The following FREM1 variants were observed in gnomAD, a reference collection of about 807,000 sequenced individuals.
FREM1 encodes the protein FRAS1 related extracellular matrix 1, also known as FRAS1-related extracellular matrix protein 1.
A neutral mutation model predicts 210.1 loss-of-function variants in FREM1; 220 were observed. The observed-to-expected ratio is 1.05, with a 90% CI of 0.94 to 1.17. The LOEUF is 1.17. Among genes scored for constraint, FREM1 ranks in the 50% most tolerant of loss-of-function variants. The pLI, the probability that FREM1 is intolerant of heterozygous loss-of-function variation, is 0.00. For missense variants in FREM1, 3,454 were observed against 2,675.5 expected (o/e 1.29, Z -6.42); for synonymous variants, 1,189 against 980.2 (o/e 1.21, Z -3.98).
At chr9:14,777,391 G>A (rs1273466705) in intron 24 of FREM1, among the ~76,000 whole-genome samples, 1 of 148,904 alleles carries the variant, frequency 6.7e-6, no homozygotes, top group Non-Finnish European at 1.5e-5. Context: ...AAAAAGTTAG[G>A]AAATCGTTAC....
intron 13 of FREM1, among the ~76,000 whole-genome samples, chr9:14,821,799 G>A (rs1327876858): frequency 6.6e-6 from 1 of 152,208 alleles, no homozygotes; most frequent in East Asian, 1.9e-4. Context: ...GGGTGTGCGG[G>A]TTAAATTTTA....
intron 3 of FREM1, among the ~76,000 whole-genome samples, chr9:14,860,718 C>T (rs1829819396): frequency 2.4e-5 from 2 of 82,196 alleles, no homozygotes; most frequent in Non-Finnish European, 4.6e-5. Context: ...CACATATATA[C>T]ACATATATAC....
chr9:14,851,549 T>C lies in FREM1; in HGVS notation c.887A>G (p.Lys296Arg), dbSNP rs2131393154. ...IRAGIPNQIP[K>R]AAFMAVFILE... ...AATAAACACGGCCATGAATGCAGCC[T>C]TTGGAATCTGATTCGGAATTCCAGC... The change falls in exon 6 of 37, where the codon AAG becomes AGG. Residue 296 changes from lysine to arginine, a missense_variant. Transcript: ENST00000380880. 6.2e-7 allele frequency: 1 copy of C among 1,613,978 alleles called. No individual in the cohort carries two copies. Among genetic ancestry groups the C allele is most frequent in the South Asian group, 1.1e-5 (1 of 91,084 alleles).
At chr9:14,878,054 T>C (rs1464918626) in intron 1 of FREM1, among the ~76,000 whole-genome samples, 1 of 152,224 alleles carries the variant, frequency 6.6e-6, no homozygotes, top group Non-Finnish European at 1.5e-5. Context: ...TCCCTACTTC[T>C]ACTCCTGCCT....
Position 14,747,425 on chromosome 9 carries a change from GAT to G in FREM1, c.5846_5847del (p.Tyr1949SerfsTer11). On this transcript the variant is annotated frameshift_variant and splice_region_variant, in exon 33 of 37. Coordinates refer to ENST00000380880, the MANE Select transcript of FREM1 (RefSeq NM_001379081.2). LOFTEE classifies it high-confidence loss of function. ...TCCAGTTTCAAGGAAACTATCCCAT[GAT>G]ACTTGAGGAAACCAACAATCAACAA... ...YRNGTDIIYN[Y>X]HGIVSLKLED... 1 of 1,612,090 alleles carries G rather than the reference GAT, an allele frequency of 6.2e-7. No individual in the cohort carries two copies. Among genetic ancestry groups the G allele is most frequent in the African/African-American group, 1.3e-5 (1 of 74,888 alleles).
At chr9:14,841,381 C>T (rs776918201) in intron 10 of FREM1, 66 bp downstream of exon 10, 31 of 1,324,304 alleles carry the variant, frequency 2.3e-5, no homozygotes, top group Non-Finnish European at 3.0e-5. Flanking sequence ...TGGTTTCTAA[C>T]CACATCTCCT....
In FREM1 at chr9:14,816,994, C is replaced by A. The variant is rs538610059; in HGVS notation, c.2547-123G>T. ...TCACTAAATAAATAAATAGCAACAA[C>A]AACAACAACAAAAACCCAGCATAAT... is the stretch of plus-strand genomic sequence containing the variant. On this transcript the variant is annotated intron_variant, in intron 14 of 36. Transcript: ENST00000380880. 4 of 402,634 alleles carry A rather than the reference C, an allele frequency of 9.9e-6. No individual in the cohort carries two copies. The East Asian group carries it at 1.4e-4, about 14-fold the overall frequency. 24.9% of individuals were successfully genotyped at this position (402,634 alleles called of 1,614,324 possible).
chr9:14,801,568 T>A (rs1418193698), intron 20 of FREM1, 84 bp downstream of exon 20: 27 of 929,496 alleles, frequency 2.9e-5, no homozygotes, highest in Non-Finnish European at 6.7e-6. Context: ...TATATTAGTT[T>A]GACCTTTTTA....
intron 13 of FREM1, among the ~76,000 whole-genome samples, chr9:14,822,474 T>A (rs1475589342): frequency 1.3e-5 from 2 of 152,164 alleles, no homozygotes; most frequent in Non-Finnish European, 2.9e-5. Context: ...TTCTGGTTGA[T>A]AATGAATGGG....
chr9:14,857,419 A>G, intron 5 of FREM1, 134 bp downstream of exon 5: 1 of 800,810 alleles, frequency 1.2e-6, no homozygotes, highest in Non-Finnish European at 2.2e-6. Flanking sequence ...CTGCAGTTCC[A>G]ATGAGTCGCT....
chr9:14,753,661 A>G (rs1325824378), intron 29 of FREM1, among the ~76,000 whole-genome samples: 1 of 152,180 alleles, frequency 6.6e-6, no homozygotes, highest in Non-Finnish European at 1.5e-5. Context: ...TTTTAAAAGA[A>G]ACAAATTGAT....
chr9:14,829,876 T>C (rs1332239281), intron 10 of FREM1, among the ~76,000 whole-genome samples: 1 of 151,920 alleles, frequency 6.6e-6, no homozygotes, highest in East Asian at 1.9e-4. Flanking sequence ...GAGAGAGTAA[T>C]ATTAGAAGAA....
chr9:14,804,681 A>C (rs1246132043), intron 19 of FREM1, among the ~76,000 whole-genome samples: 1 of 152,218 alleles, frequency 6.6e-6, no homozygotes, highest in Non-Finnish European at 1.5e-5. Context: ...CCTAGGCAAG[A>C]TACAAGACAA....
chr9:14,789,089 G>A lies in FREM1; in HGVS notation c.4007C>T (p.Ser1336Phe), dbSNP rs774075087. The part of the protein sequence containing the change: ...LKIGRDWVPL[S>F]PGMKCTQEEV... Reference sequence around the variant, plus strand: ...CTCCTGAGTGCATTTCATGCCAGGGGAGAGAGGAACCCAGTCCCTCCCTAT... The same window carrying A: ...CTCCTGAGTGCATTTCATGCCAGGGAAGAGAGGAACCCAGTCCCTCCCTAT... The change falls in exon 23 of 37, where the codon TCC becomes TTC. Residue 1336 changes from serine (S) to phenylalanine (F), a missense_variant. Coordinates refer to ENST00000380880, the MANE Select transcript of FREM1 (RefSeq NM_001379081.2). 8 of 1,598,376 alleles carry A rather than the reference G, an allele frequency of 5.0e-6. No individual in the cohort carries two copies. The East Asian group carries it at 1.6e-4, about 32-fold the overall frequency.
intron 25 of FREM1, among the ~76,000 whole-genome samples, chr9:14,772,349 T>C (rs192379528): frequency 3.3e-5 from 5 of 152,266 alleles, no homozygotes; most frequent in Admixed American, 3.3e-4. Flanking sequence ...CTGAGTTCCA[T>C]GCAGCCTTTA....
chr9:14,893,168 T>C (rs1274432699), intron 1 of FREM1, among the ~76,000 whole-genome samples: 1 of 124,770 alleles, frequency 8.0e-6, no homozygotes, highest in Non-Finnish European at 1.6e-5. Context: ...GACTTCTCTC[T>C]TTCTCTCTCT....
At position 14,836,920 on chromosome 9, in the gene FREM1, G is replaced by A. The variant is rs145835924; in HGVS notation, c.1881+4527C>T. Among the ~76,000 whole-genome samples, 2 of 152,296 alleles carry A rather than the reference G, an allele frequency of 1.3e-5. No individual in the cohort carries two copies. The highest frequency in any genetic ancestry group is 2.1e-4 in the South Asian group (1 of 4,826). On this transcript the variant is annotated intron_variant, in intron 10 of 36. Transcript: ENST00000380880. The surrounding 1 kb of genome is among the most constrained non-coding windows in gnomAD (Gnocchi z 4.9). Reference sequence around the variant, plus strand: ...TAAGAAAAAGAAATTATTTTATGCAGATAGAGAGGAAAAGGGGTCCTTGGG... The same window carrying A: ...TAAGAAAAAGAAATTATTTTATGCAAATAGAGAGGAAAAGGGGTCCTTGGG...
rs1437143381 is a variant in FREM1, at chr9:14,756,448, T to C, written c.5335-2A>G. 1.3e-6 allele frequency: 2 copies of C among 1,585,500 alleles called. No homozygotes were observed. The highest frequency in any genetic ancestry group is 1.7e-6 in the Non-Finnish European group (2 of 1,164,896). On this transcript the variant is annotated splice_acceptor_variant, in intron 28 of 36. Coordinates refer to ENST00000380880, the MANE Select transcript of FREM1 (RefSeq NM_001379081.2). LOFTEE classifies it high-confidence loss of function. ...AACTGCAGCTGACACTTGGTTGACC[T>C]TAGGAGGGAAAAAAAAATCTTTTTA...
chr9:14,883,074 A>T (rs1835104697), intron 1 of FREM1, among the ~76,000 whole-genome samples: 1 of 152,126 alleles, frequency 6.6e-6, no homozygotes, highest in South Asian at 2.1e-4. Context: ...CTTTCTCAGG[A>T]AAAACAGAGT....
Sources: allele counts gnomAD v4.1 joint callset (sites outside exome capture counted in the v4.1 genomes callset), GRCh38; gene constraint gnomAD v4.1.1; non-coding constraint Gnocchi (gnomAD v3.1); transcripts MANE v1.5; gene names NCBI Gene and HGNC (gene_info 2026-07-23, HGNC 2026-07-21).